The following LAMA2 variants were observed in gnomAD, a reference collection of about 807,000 sequenced individuals.
LAMA2 encodes the protein laminin subunit alpha-2.
A neutral mutation model predicts 364.8 loss-of-function variants in LAMA2; 269 were observed. The observed-to-expected ratio is 0.74, with a 90% CI of 0.67 to 0.82. LAMA2 has a LOEUF of 0.82. Among genes scored for constraint, LAMA2 ranks in the 40% least tolerant of loss-of-function variants. The pLI is 0.00. For synonymous variants in LAMA2, 1,379 were observed against 1,370.6 expected (o/e 1.01, Z -0.14); for missense variants, 3,807 against 3,873.2 (o/e 0.98, Z 0.45).
At chr6:129,006,669 C>T (rs1267699270) in intron 1 of LAMA2, among the ~76,000 whole-genome samples, 1 of 152,118 alleles carries the variant, frequency 6.6e-6, no homozygotes, top group Non-Finnish European at 1.5e-5. Context: ...CTGCCCTCTC[C>T]TCATTCCTTT....
intron 49 of LAMA2, among the ~76,000 whole-genome samples, chr6:129,463,337 G>T (rs1426327475): frequency 6.6e-6 from 1 of 151,896 alleles, no homozygotes; most frequent in Admixed American, 6.6e-5. Flanking sequence ...ATATTATAGA[G>T]TGTACCTGGA....
Position 129,154,550 on chromosome 6 carries a change from A to G in LAMA2, c.1073A>G (p.Asn358Ser). The G allele has an allele frequency of 6.2e-7, 1 of 1,614,066 alleles. No homozygotes were observed. The highest frequency in any genetic ancestry group is 1.3e-5 in the African/African-American group (1 of 75,044). Reference protein sequence around the residue: ...GKAEECYYDENVARRNLSLNI... With the variant: ...GKAEECYYDESVARRNLSLNI... ...GCTGAAGAATGCTATTATGATGAAA[A>G]TGTTGCCAGAAGAAATCTGAGTTTG... Residue 358 changes from asparagine to serine, a missense_variant, in exon 8 of 65, where the codon AAT becomes AGT. Physicochemically the swap from Asn to Ser is conservative, Grantham distance 46 (BLOSUM62 1). Around this residue, in one of 3 missense-constraint regions of LAMA2, gnomAD observed 80 missense variants for 124.0 expected, o/e 0.65. Transcript: ENST00000421865.
intron 55 of LAMA2, among the ~76,000 whole-genome samples, chr6:129,483,840 G>A (rs1174558500): frequency 6.6e-6 from 1 of 152,054 alleles, no homozygotes; most frequent in Non-Finnish European, 1.5e-5. Flanking sequence ...GACAATAAGT[G>A]GCATTGCATT....
intron 1 of LAMA2, among the ~76,000 whole-genome samples, chr6:129,028,989 C>G (rs190392330): frequency 9.9e-5 from 15 of 151,860 alleles, no homozygotes; most frequent in Non-Finnish European, 1.6e-4. Flanking sequence ...ATCTCACTTC[C>G]AAAATAGTCT....
At chr6:128,962,903 A>C (rs1781619738) in intron 1 of LAMA2, among the ~76,000 whole-genome samples, 1 of 152,208 alleles carries the variant, frequency 6.6e-6, no homozygotes, top group Non-Finnish European at 1.5e-5. Context: ...TTTGTCATCC[A>C]CATCTCTTAT....
At position 129,403,977 on chromosome 6, in the gene LAMA2, C is replaced by T; in HGVS notation, c.5865+18C>T. On this transcript the variant is annotated intron_variant, in intron 40 of 64. Coordinates refer to ENST00000421865, the MANE Select transcript of LAMA2 (RefSeq NM_000426.4). ...CAAAACTGGTAAGAAACAAATGGCA[C>T]ATGTGCTGGGAATGGAAGTCAACCT... is the stretch of plus-strand genomic sequence containing the variant. 1 of 1,613,508 alleles carries T rather than the reference C, an allele frequency of 6.2e-7. No individual in the cohort carries two copies. Among genetic ancestry groups the T allele is most frequent in the Non-Finnish European group, 8.5e-7 (1 of 1,179,632 alleles).
At chr6:128,900,057 T>C (rs1008626510) in intron 1 of LAMA2, among the ~76,000 whole-genome samples, 1 of 152,222 alleles carries the variant, frequency 6.6e-6, no homozygotes, top group Non-Finnish European at 1.5e-5. Flanking sequence ...CAAAAAGATA[T>C]GTTTTAAAAA....
At chr6:129,207,225 G>A (rs1236459119) in intron 12 of LAMA2, among the ~76,000 whole-genome samples, 11 of 151,970 alleles carry the variant, frequency 7.2e-5, no homozygotes, top group East Asian at 5.8e-4. Flanking sequence ...ACCATATGAC[G>A]TTTCCTTCAT....
rs1274689320 is a variant in LAMA2, at chr6:129,287,032, GAGGGAGGAAGGAAGGAAGCA to G, written c.2538-811_2538-792del. Reference sequence around the variant, plus strand: ...GGAAGGAGGGAGAGAGGGAGGGAGGGAGGGAGGAAGGAAGGAAGCAAGGAAGGAAGGAAGGGAGGAAAGAG... The same window carrying G: ...GGAAGGAGGGAGAGAGGGAGGGAGGGAGGAAGGAAGGAAGGGAGGAAAGAG... On this transcript the variant is annotated intron_variant, in intron 18 of 64. Transcript: ENST00000421865. 5.0e-3 allele frequency among the ~76,000 whole-genome samples: 61 copies of G among 12,146 alleles called. 4 individuals carry two copies. The highest frequency in any genetic ancestry group is 0.018 in the African/African-American group (55 of 3,140). 8.0% of individuals were successfully genotyped at this position (12,146 alleles called of 152,430 possible).
intron 13 of LAMA2, among the ~76,000 whole-genome samples, chr6:129,251,074 C>A (rs868300437): frequency 0.015 from 905 of 60,106 alleles, 2 homozygotes; most frequent in African/African-American, 0.029. Context: ...CTCTCTCTCT[C>A]TCTATATATA....
chr6:129,469,849 C>A (rs954478112), intron 51 of LAMA2, among the ~76,000 whole-genome samples: 1 of 151,752 alleles, frequency 6.6e-6, no homozygotes, highest in East Asian at 1.9e-4. Context: ...CAAATTTAGG[C>A]AGACACAAAA....
intron 53 of LAMA2, among the ~76,000 whole-genome samples, chr6:129,476,368 T>A (rs150199748): frequency 1.9e-3 from 283 of 152,348 alleles, no homozygotes; most frequent in African/African-American, 6.5e-3. Flanking sequence ...TGTGCTACAT[T>A]TGCTGAGATG....
At chr6:129,132,062 C>A (rs80342783) in intron 4 of LAMA2, among the ~76,000 whole-genome samples, 5,875 of 152,154 alleles carry the variant, frequency 0.039, 388 homozygotes, top group African/African-American at 0.13. Flanking sequence ...TGATCTCAAC[C>A]GCAAAAGTCA....
intron 29 of LAMA2, among the ~76,000 whole-genome samples, chr6:129,329,086 G>A (rs945357860): frequency 3.3e-5 from 5 of 151,876 alleles, no homozygotes; most frequent in Non-Finnish European, 5.9e-5. Flanking sequence ...CCTTTTTATC[G>A]TAGTCACTGT....
At chr6:129,052,490 T>A (rs1788143716) in intron 2 of LAMA2, among the ~76,000 whole-genome samples, 2 of 152,012 alleles carry the variant, frequency 1.3e-5, no homozygotes, top group Non-Finnish European at 2.9e-5. Context: ...TAGAGCAGTT[T>A]GAGGTTCACA....
At chr6:129,011,334 A>G (rs1408218836) in intron 1 of LAMA2, among the ~76,000 whole-genome samples, 1 of 152,214 alleles carries the variant, frequency 6.6e-6, no homozygotes, top group East Asian at 1.9e-4. Context: ...CACAGCCACC[A>G]GTCATTTATA....
chr6:129,503,846 C>T (rs111337156), intron 60 of LAMA2, among the ~76,000 whole-genome samples: 1 of 152,190 alleles, frequency 6.6e-6, no homozygotes, highest in African/African-American at 2.4e-5. Context: ...ATCATTTCTA[C>T]TGACAGTTAT....
At position 129,315,585 on chromosome 6, in the gene LAMA2, A is replaced by T. The variant is rs368240215; in HGVS notation, c.3665A>T (p.Asp1222Val). Reference sequence around the variant, plus strand: ...CATCCAGAGATTGTTGCCCACATGGACCTGATGAGAGAAGATCTCCATTTG... The same window carrying T: ...CATCCAGAGATTGTTGCCCACATGGTCCTGATGAGAGAAGATCTCCATTTG... ...FQHPEIVAHM[D>V]LMREDLHLEP... The change falls in exon 25 of 65, where the codon GAC (aspartate) becomes GTC (valine). Residue 1222 changes from aspartate (D) to valine (V), a missense_variant. Around this residue, in one of 3 missense-constraint regions of LAMA2, gnomAD observed 3,333 missense variants for 3,345.7 expected, o/e 1.00. Transcript: ENST00000421865. 1 of 1,614,056 alleles carries T rather than the reference A, an allele frequency of 6.2e-7. No individual in the cohort carries two copies. The highest frequency in any genetic ancestry group is 8.5e-7 in the Non-Finnish European group (1 of 1,180,004).
chr6:129,496,886 A>G (rs1417412946), intron 58 of LAMA2, among the ~76,000 whole-genome samples: 2 of 152,212 alleles, frequency 1.3e-5, no homozygotes, highest in Non-Finnish European at 2.9e-5. Flanking sequence ...GGATAATAAT[A>G]TCTTCCTTCT....
Sources: allele counts gnomAD v4.1 joint callset (sites outside exome capture counted in the v4.1 genomes callset), GRCh38; gene constraint gnomAD v4.1.1; regional missense constraint gnomAD v4.1.1; transcripts MANE v1.5; gene names NCBI Gene and HGNC (gene_info 2026-07-23, HGNC 2026-07-21).